TNRC18: variants seen among roughly 807,000 people sequenced by gnomAD.
The protein encoded by TNRC18 is trinucleotide repeat-containing gene 18 protein.
A neutral mutation model predicts 226.7 loss-of-function variants in TNRC18; 69 were observed. The ratio of observed to expected loss-of-function variants is 0.30; its 90% CI spans 0.25 to 0.37. The LOEUF (loss-of-function observed/expected upper bound fraction) is 0.37, where lower values mean the gene tolerates loss of function less well. TNRC18 is among the 10% of genes least tolerant of loss of function. TNRC18 has a pLI of 1.00. For missense variants in TNRC18, 4,754 were observed against 4,256.6 expected (o/e 1.12, Z -3.25); for synonymous variants, 2,449 against 1,927.6 (o/e 1.27, Z -7.09).
At chr7:5,373,226 A>T (rs1307714983) in intron 10 of TNRC18, among the ~76,000 whole-genome samples, 1 of 152,182 alleles carries the variant, frequency 6.6e-6, no homozygotes, top group Non-Finnish European at 1.5e-5. Flanking sequence ...TGAGAGGCTG[A>T]AACAGGAGGA....
chr7:5,377,333 C>CCCA lies in TNRC18; in HGVS notation c.2461+37_2461+38insTGG. On this transcript the variant is annotated intron_variant, in intron 7 of 29. Transcript: ENST00000430969. The surrounding 1 kb of genome is among the most constrained non-coding windows in gnomAD (Gnocchi z 5.8). ...CTGCACCCGCCCCCTCCCACCCCTC[C>CCCA]CTCAGAGAAGGGGAGAGACCCTGTG... is the stretch of plus-strand genomic sequence containing the variant. The CCCA allele has an allele frequency of 7.4e-7, 1 of 1,345,596 alleles. No homozygotes were observed. The highest frequency in any genetic ancestry group is 2.5e-5 in the East Asian group (1 of 39,684). 83.4% of individuals were successfully genotyped at this position (1,345,596 alleles called of 1,614,324 possible).
At chr7:5,417,198 T>G (rs112061327) in intron 2 of TNRC18, among the ~76,000 whole-genome samples, 3 of 148,772 alleles carry the variant, frequency 2.0e-5, no homozygotes, top group Admixed American at 6.7e-5. Context: ...CTGGGCGCAG[T>G]GGTACACACC....
chr7:5,350,438 G>A (rs1474414359), intron 17 of TNRC18, among the ~76,000 whole-genome samples: 3 of 143,612 alleles, frequency 2.1e-5, no homozygotes, highest in Admixed American at 6.9e-5. Context: ...CAGGGCGGGC[G>A]GGGGGCGGGG....
chr7:5,422,054 G>T (rs550804470), intron 1 of TNRC18, among the ~76,000 whole-genome samples: 1 of 152,196 alleles, frequency 6.6e-6, no homozygotes, highest in South Asian at 2.1e-4. Flanking sequence ...GAGGAGGGAG[G>T]GTCCAAAGCG....
Position 5,423,726 on chromosome 7 carries a change from A to G in TNRC18, c.-529T>C, listed in dbSNP as rs1409619001. ...CTCCCGCCGAGCTCCCCGCTTTTTAATAAAATCCAGGTAGCGCCGGTTTAA... is the reference window on the plus strand; with the variant it reads ...CTCCCGCCGAGCTCCCCGCTTTTTAGTAAAATCCAGGTAGCGCCGGTTTAA... On this transcript the variant is annotated 5_prime_UTR_variant, in exon 1 of 30. Transcript: ENST00000430969. Among the ~76,000 whole-genome samples the G allele has an allele frequency of 6.6e-6, 1 of 151,868 alleles. No individual in the cohort carries two copies. The highest frequency in any genetic ancestry group is 1.5e-5 in the Non-Finnish European group (1 of 67,940).
intron 21 of TNRC18, 58 bp from the exon 22 acceptor site, chr7:5,321,248 C>A (rs1170490599): frequency 2.0e-5 from 25 of 1,270,186 alleles, no homozygotes; most frequent in Middle Eastern, 2.6e-4. Context: ...GACACCTCTC[C>A]CTCCTCCCGT....
chr7:5,320,149 T>G, intron 24 of TNRC18, 169 bp downstream of exon 24: 1 of 604,112 alleles, frequency 1.7e-6, no homozygotes, highest in Non-Finnish European at 3.0e-6. Context: ...CCTGATGACA[T>G]CGTTTAAATG....
rs562463410 is a variant in TNRC18, at chr7:5,324,464, C to G, written c.6301-109G>C. On this transcript the variant is annotated intron_variant, in intron 20 of 29. Transcript: ENST00000430969. The surrounding 1 kb of genome is among the most constrained non-coding windows in gnomAD (Gnocchi z 4.8). ...GCCACAGTCAGGCCGCAGGGGGAAT[C>G]TGTCATGTGCATGGCAGGGATCCCA... is the stretch of plus-strand genomic sequence containing the variant. The G allele has an allele frequency of 1.1e-4, 156 of 1,441,102 alleles. 3 individuals are homozygous for G. The South Asian group carries it at 1.9e-3, about 17-fold the overall frequency. 89.3% of individuals were successfully genotyped at this position (1,441,102 alleles called of 1,614,324 possible).
chr7:5,411,820 G>C (rs914692558), intron 2 of TNRC18, among the ~76,000 whole-genome samples: 2 of 152,048 alleles, frequency 1.3e-5, no homozygotes, highest in African/African-American at 4.8e-5. Context: ...GAAAATTCCA[G>C]GAAGGAAATC....
At chr7:5,418,979 C>A (rs1445010440) in intron 2 of TNRC18, among the ~76,000 whole-genome samples, 3 of 152,338 alleles carry the variant, frequency 2.0e-5, no homozygotes, top group East Asian at 3.9e-4. Context: ...CTTTCCCTCC[C>A]GGGTGAGCAC....
chr7:5,390,046 TG>T (rs955559675), intron 4 of TNRC18: 27 of 232,478 alleles, frequency 1.2e-4, no homozygotes, highest in African/African-American at 5.8e-4. Context: ...AAGGAGCCTG[TG>T]GGGGGTCTTA....
At position 5,314,905 on chromosome 7, in the gene TNRC18, G is replaced by A. The variant is rs1007348275; in HGVS notation, c.7027+79C>T. On this transcript the variant is annotated intron_variant, in intron 26 of 29. Coordinates refer to ENST00000430969, the MANE Select transcript of TNRC18 (RefSeq NM_001080495.3). ...CTTACAGACAGCAGGCAGGCACTTCGGCAGGTTCCCAAGCCCTGAGTTTGG... is the reference window on the plus strand; with the variant it reads ...CTTACAGACAGCAGGCAGGCACTTCAGCAGGTTCCCAAGCCCTGAGTTTGG... 2.9e-4 allele frequency: 419 copies of A among 1,443,654 alleles called. 1 individual carries two copies. The highest frequency in any genetic ancestry group is 3.6e-4 in the Non-Finnish European group (385 of 1,075,264). 89.4% of individuals were successfully genotyped at this position (1,443,654 alleles called of 1,614,324 possible).
chr7:5,357,988 C>T (rs904805471), intron 15 of TNRC18, among the ~76,000 whole-genome samples: 3 of 152,148 alleles, frequency 2.0e-5, no homozygotes, highest in Non-Finnish European at 2.9e-5. Flanking sequence ...GGAAGTACTT[C>T]GACCAAGTGC....
Position 5,338,335 on chromosome 7 carries a change from G to A in TNRC18, c.5720-5286C>T, listed in dbSNP as rs566291243. Among the ~76,000 whole-genome samples, 287 of 152,124 alleles carry A rather than the reference G, an allele frequency of 1.9e-3. 1 individual carries two copies. The highest frequency in any genetic ancestry group is 6.5e-3 in the African/African-American group (270 of 41,544). On this transcript the variant is annotated intron_variant, in intron 18 of 29. Transcript: ENST00000430969. ...ACTAATAAACTGAAAGGCAAAGCAC[G>A]AAAAAGGTATACCACGCCAATTGTA...
chr7:5,319,291 G>A (rs890377071), intron 24 of TNRC18, among the ~76,000 whole-genome samples: 2 of 152,198 alleles, frequency 1.3e-5, no homozygotes, highest in African/African-American at 4.8e-5. Flanking sequence ...TTCTGGGTAT[G>A]AATGGATGGT....
At chr7:5,344,265 G>C (rs959167655) in intron 18 of TNRC18, among the ~76,000 whole-genome samples, 1 of 152,214 alleles carries the variant, frequency 6.6e-6, no homozygotes. Flanking sequence ...GGTCAGACAG[G>C]TAGCACTGAT....
chr7:5,362,055 G>A (rs753865317), intron 12 of TNRC18, 22 bp from the exon 13 acceptor site: 15 of 1,609,948 alleles, frequency 9.3e-6, no homozygotes, highest in Middle Eastern at 3.3e-4. Flanking sequence ...ACCGGGAGAG[G>A]AGGAGGGGGT....
intron 2 of TNRC18, among the ~76,000 whole-genome samples, chr7:5,412,831 C>CA (rs1781931224): frequency 6.6e-6 from 1 of 152,148 alleles, no homozygotes; most frequent in Non-Finnish European, 1.5e-5. Context: ...AGAAATGTGT[C>CA]AAATGGTTGG....
chr7:5,389,365 G>C, intron 4 of TNRC18, 29 bp from the exon 5 acceptor site: 1 of 1,245,008 alleles, frequency 8.0e-7, no homozygotes, highest in Non-Finnish European at 1.0e-6. Context: ...CAGGCAGTGA[G>C]CGAGCGCCAC....
Sources: allele counts gnomAD v4.1 joint callset (sites outside exome capture counted in the v4.1 genomes callset), GRCh38; gene constraint gnomAD v4.1.1; non-coding constraint Gnocchi (gnomAD v3.1); transcripts MANE v1.5; gene names NCBI Gene and HGNC (gene_info 2026-07-23, HGNC 2026-07-21).